The following DMBT1 variants were observed in gnomAD, a reference collection of about 807,000 sequenced individuals.
DMBT1 encodes deleted in malignant brain tumors 1.
In DMBT1, 198 loss-of-function variants were observed where a neutral mutation model predicts 252.9. The ratio of observed to expected loss-of-function variants is 0.78; its 90% CI spans 0.70 to 0.88. DMBT1 has a LOEUF of 0.88. DMBT1 is among the 40% of genes least tolerant of loss of function. The pLI, the probability that DMBT1 is intolerant of heterozygous loss-of-function variation, is 0.00. For synonymous variants in DMBT1, 990 were observed against 942.7 expected, an observed-to-expected ratio of 1.05 and a Z score of -0.92; for missense variants, 2,432 against 2,404.7, an observed-to-expected ratio of 1.01 and a Z score of -0.24.
chr10:122,586,434 G>GA, intron 16 of DMBT1, 51 bp downstream of exon 16: 1 of 1,580,432 alleles, frequency 6.3e-7, no homozygotes, highest in African/African-American at 1.3e-5. Context: ...TTTTGCTCAG[G>GA]AAGGTTTTAT....
In DMBT1 at chr10:122,633,200, C is replaced by A; in HGVS notation, c.6407C>A (p.Ser2136Tyr). ...LNITRPNTDY[S>Y]CGGFLSQPSG... ...CTTTTTGTCCTGACAGCAGATTATT[C>A]CTGCGGAGGCTTCCTATCCCAACCA... Residue 2136 changes from serine to tyrosine, a missense_variant, in exon 52 of 56, where the codon TCC (serine) becomes TAC (tyrosine). Ser to Tyr is a moderately radical substitution (Grantham distance 144). Around this residue, in one of 3 missense-constraint regions of DMBT1, gnomAD observed 1,162 missense variants for 1,169.0 expected, o/e 0.99. Coordinates refer to ENST00000338354, the MANE Select transcript of DMBT1 (RefSeq NM_001377530.1). 6.2e-7 allele frequency: 1 copy of A among 1,613,892 alleles called. No individual in the cohort carries two copies.
intron 50 of DMBT1, 101 bp downstream of exon 50, chr10:122,631,976 C>A: frequency 7.4e-7 from 1 of 1,345,180 alleles, no homozygotes; most frequent in South Asian, 1.2e-5. Flanking sequence ...CCAAGGAGTT[C>A]ATCTGTGGTA....
At chr10:122,642,663 C>G (rs1844772907) in intron 55 of DMBT1, among the ~76,000 whole-genome samples, 1 of 152,090 alleles carries the variant, frequency 6.6e-6, no homozygotes, top group East Asian at 1.9e-4. Flanking sequence ...GGTCAGGGCA[C>G]TGTACTCAGA....
chr10:122,624,665 C>G (rs1277774759), intron 44 of DMBT1, among the ~76,000 whole-genome samples: 1 of 152,194 alleles, frequency 6.6e-6, no homozygotes, highest in African/African-American at 2.4e-5. Context: ...GGTCTGCAGG[C>G]AGCTGGGCCG....
rs3740221 is a variant in DMBT1, at chr10:122,570,157, C to T, written c.92-5C>T. 0.7 allele frequency: 1,088,839 copies of T among 1,563,036 alleles called. 384,284 individuals are homozygous for T. Among genetic ancestry groups the T allele is most frequent in the Admixed American group, 0.82 (48,844 of 59,886 alleles). ...TCAATGAGCTCTTCCTTTTCCACCT[C>T]GCAGCTTCACTGATTCCCTCGGAGG... On this transcript the variant is annotated splice_polypyrimidine_tract_variant and splice_region_variant and intron_variant, in intron 2 of 55. Transcript: ENST00000338354.
At chr10:122,561,582 CTCTT>C (rs1172582534) in intron 1 of DMBT1, among the ~76,000 whole-genome samples, 7 of 147,476 alleles carry the variant, frequency 4.7e-5, no homozygotes, top group Non-Finnish European at 1.1e-4. Context: ...CTCTCTCTCT[CTCTT>C]TCTCTCTTAT....
intron 2 of DMBT1, among the ~76,000 whole-genome samples, chr10:122,569,923 G>C (rs3019530): frequency 0.69 from 104,090 of 151,610 alleles, 35,929 homozygotes; most frequent in East Asian, 0.77. Context: ...TTGAATACAG[G>C]TCGTGGCAGC....
intron 40 of DMBT1, among the ~76,000 whole-genome samples, chr10:122,617,485 C>A (rs561929500): frequency 9.9e-5 from 15 of 151,558 alleles, no homozygotes; most frequent in East Asian, 2.0e-4. Context: ...TGTTCAGGAA[C>A]GATCCTCATC....
intron 16 of DMBT1, 104 bp from the exon 17 acceptor site, chr10:122,588,840 C>G: frequency 6.5e-7 from 1 of 1,548,384 alleles, no homozygotes; most frequent in Non-Finnish European, 8.8e-7. Context: ...TGACTGCCTG[C>G]CCAGGTGACT....
chr10:122,638,243 G>A (rs1397419494), intron 54 of DMBT1, among the ~76,000 whole-genome samples: 1 of 152,104 alleles, frequency 6.6e-6, no homozygotes, highest in South Asian at 2.1e-4. Context: ...TATGCCAAGT[G>A]AGCAGCCTGG....
chr10:122,633,226 T>C lies in DMBT1; in HGVS notation c.6433T>C (p.Ser2145Pro), dbSNP rs377323485. ...YSCGGFLSQP[S>P]GDFSSPFYPG... Reference sequence around the variant, plus strand: ...CTGCGGAGGCTTCCTATCCCAACCATCAGGGGACTTTTCCAGCCCATTCTA... The same window carrying C: ...CTGCGGAGGCTTCCTATCCCAACCACCAGGGGACTTTTCCAGCCCATTCTA... Residue 2145 changes from serine (S) to proline (P), a missense_variant, in exon 52 of 56, where the codon TCA (serine) becomes CCA (proline). Around this residue, in one of 3 missense-constraint regions of DMBT1, gnomAD observed 1,162 missense variants for 1,169.0 expected, o/e 0.99. Coordinates refer to ENST00000338354, the MANE Select transcript of DMBT1 (RefSeq NM_001377530.1). 3.7e-6 allele frequency: 6 copies of C among 1,613,904 alleles called. No individual in the cohort carries two copies. Among genetic ancestry groups the C allele is most frequent in the Non-Finnish European group, 5.1e-6 (6 of 1,179,906 alleles).
chr10:122,640,651 C>T (rs573681832), intron 55 of DMBT1, among the ~76,000 whole-genome samples: 1 of 152,292 alleles, frequency 6.6e-6, no homozygotes, highest in East Asian at 1.9e-4. Flanking sequence ...TATCACATCC[C>T]TGATTTCTCA....
intron 10 of DMBT1, among the ~76,000 whole-genome samples, chr10:122,580,535 C>T (rs185817439): frequency 3.9e-5 from 6 of 152,222 alleles, no homozygotes; most frequent in East Asian, 3.9e-4. Flanking sequence ...GCTTGAAGAT[C>T]GCACAAGGGA....
intron 55 of DMBT1, 53 bp from the exon 56 acceptor site, chr10:122,643,069 T>C: frequency 3.8e-6 from 6 of 1,587,752 alleles, no homozygotes; most frequent in Non-Finnish European, 5.2e-6. Context: ...AACTGAGTCA[T>C]GAAGGAAGAA....
chr10:122,577,935 A>C, intron 8 of DMBT1, 95 bp downstream of exon 8: 1 of 1,352,056 alleles, frequency 7.4e-7, no homozygotes, highest in Non-Finnish European at 1.0e-6. Flanking sequence ...CTCTGCAGAT[A>C]CTCTGGGGCA....
intron 54 of DMBT1, among the ~76,000 whole-genome samples, chr10:122,639,505 G>A (rs1292225937): frequency 1.3e-5 from 2 of 152,070 alleles, no homozygotes; most frequent in Admixed American, 6.6e-5. Context: ...AGGGGCGGGG[G>A]TCACAAGGTG....
At chr10:122,569,384 A>G (rs531771959) in intron 2 of DMBT1, among the ~76,000 whole-genome samples, 1 of 152,340 alleles carries the variant, frequency 6.6e-6, no homozygotes, top group East Asian at 1.9e-4. Context: ...AAAGCTACTT[A>G]ATATCCTCAA....
intron 46 of DMBT1, among the ~76,000 whole-genome samples, chr10:122,627,265 G>GTGAA (rs1415190638): frequency 1.3e-5 from 2 of 152,082 alleles, no homozygotes; most frequent in South Asian, 2.1e-4. Flanking sequence ...GAATAAATGA[G>GTGAA]TGAATGAATG....
chr10:122,640,040 GCAGA>G lies in DMBT1; in HGVS notation c.6946_6949del (p.Asp2316MetfsTer68), dbSNP rs1446582818. The G allele has an allele frequency of 1.9e-6, 3 of 1,612,748 alleles. No individual in the cohort carries two copies. In the African/African-American group the frequency reaches 4.0e-5, roughly 22 times the overall value. On this transcript the variant is annotated frameshift_variant and splice_region_variant, in exon 55 of 56. Coordinates refer to ENST00000338354, the MANE Select transcript of DMBT1 (RefSeq NM_001377530.1). LOFTEE classifies it high-confidence loss of function. ...CTGCTCTCTTGCCTGCCTCTCCTAG[GCAGA>G]CAATGACACCATCGACTATTCCAAC... is the stretch of plus-strand genomic sequence containing the variant.
Sources: allele counts gnomAD v4.1 joint callset (sites outside exome capture counted in the v4.1 genomes callset), GRCh38; gene constraint gnomAD v4.1.1; regional missense constraint gnomAD v4.1.1; transcripts MANE v1.5; gene names NCBI Gene and HGNC (gene_info 2026-07-23, HGNC 2026-07-21).